ITSN1: variants seen among roughly 807,000 people sequenced by gnomAD.
ITSN1 encodes intersectin-1.
In ITSN1, 58 loss-of-function variants were observed where a neutral mutation model predicts 239.8. The ratio of observed to expected loss-of-function variants is 0.24; its 90% CI spans 0.20 to 0.30. The LOEUF (loss-of-function observed/expected upper bound fraction) is 0.30, where lower values mean the gene tolerates loss of function less well. Among genes scored for constraint, ITSN1 ranks in the 10% least tolerant of loss-of-function variants. The pLI, the probability that ITSN1 is intolerant of heterozygous loss-of-function variation, is 1.00. For missense variants in ITSN1, 1,558 were observed against 2,103.3 expected, an observed-to-expected ratio of 0.74 and a Z score of 5.07; for synonymous variants, 780 against 770.8, an observed-to-expected ratio of 1.01 and a Z score of -0.20.
intron 29 of ITSN1, among the ~76,000 whole-genome samples, chr21:33,851,429 C>T (rs1214361329): frequency 2.6e-5 from 4 of 151,696 alleles, no homozygotes; most frequent in Admixed American, 6.6e-5. Context: ...GACAGAGTCT[C>T]GCTCTGTCAC....
chr21:33,682,022 GA>G lies in ITSN1; in HGVS notation c.-32-36771del, dbSNP rs1314858455. 8.6e-5 allele frequency among the ~76,000 whole-genome samples: 13 copies of G among 151,442 alleles called. No homozygotes were observed. In the East Asian group the frequency reaches 2.3e-3, roughly 27 times the overall value. On this transcript the variant is annotated intron_variant, in intron 1 of 39. Transcript: ENST00000381318. ...CAATAGCTCCTTTTATATTTAAAATGAAAAGTGCTTTCTTGGGGGTCATTTT... is the reference window on the plus strand; with the variant it reads ...CAATAGCTCCTTTTATATTTAAAATGAAAGTGCTTTCTTGGGGGTCATTTT...
intron 33 of ITSN1, among the ~76,000 whole-genome samples, chr21:33,874,927 G>A (rs895673599): frequency 1.3e-5 from 2 of 152,196 alleles, no homozygotes; most frequent in South Asian, 2.1e-4. Context: ...GATTACAGGC[G>A]TGAGCCACTG....
chr21:33,671,778 C>T (rs985998947), intron 1 of ITSN1, among the ~76,000 whole-genome samples: 5 of 151,530 alleles, frequency 3.3e-5, no homozygotes, highest in East Asian at 4.0e-4. Flanking sequence ...GGCGACAAAG[C>T]GAGACTCCGT....
At chr21:33,660,610 CGTT>C (rs1375098936) in intron 1 of ITSN1, among the ~76,000 whole-genome samples, 5 of 152,048 alleles carry the variant, frequency 3.3e-5, no homozygotes, top group Non-Finnish European at 7.4e-5. Context: ...TGTTGTGAAA[CGTT>C]GTTTTGGTTG....
chr21:33,668,672 G>A (rs2090074472), intron 1 of ITSN1, among the ~76,000 whole-genome samples: 1 of 152,158 alleles, frequency 6.6e-6, no homozygotes, highest in African/African-American at 2.4e-5. Flanking sequence ...TGTACTTTGA[G>A]TTAAAGGCTC....
Position 33,797,633 on chromosome 21 carries a change from A to G in ITSN1, c.2182+25A>G, listed in dbSNP as rs751601267. The G allele has an allele frequency of 1.3e-6, 2 of 1,591,776 alleles. No individual in the cohort carries two copies. The highest frequency in any genetic ancestry group is 1.1e-5 in the South Asian group (1 of 90,244). ...GGTATTAGAAGCCAAAAATAATTATAGAAAATAAGTCATCTTCTCTCCCAG... is the reference window on the plus strand; with the variant it reads ...GGTATTAGAAGCCAAAAATAATTATGGAAAATAAGTCATCTTCTCTCCCAG... On this transcript the variant is annotated intron_variant, in intron 18 of 39. Coordinates refer to ENST00000381318, the MANE Select transcript of ITSN1 (RefSeq NM_003024.3). The surrounding 1 kb of genome is among the most constrained non-coding windows in gnomAD (Gnocchi z 4.9).
At chr21:33,687,067 A>G (rs926521461) in intron 1 of ITSN1, among the ~76,000 whole-genome samples, 35 of 152,162 alleles carry the variant, frequency 2.3e-4, no homozygotes, top group African/African-American at 8.0e-4. Flanking sequence ...ACGGTGGCCC[A>G]TGCCTGTAAT....
At chr21:33,665,294 G>T (rs926801966) in intron 1 of ITSN1, among the ~76,000 whole-genome samples, 1 of 151,914 alleles carries the variant, frequency 6.6e-6, no homozygotes, top group Admixed American at 6.6e-5. Context: ...CATAATGCAA[G>T]ATAACGTCAT....
chr21:33,865,343 C>T lies in ITSN1; in HGVS notation c.4074+9C>T. ...TCAAGGAGTTCGTCAAAGTAAGGAG[C>T]CAGGCTGTGCAGAGACTGGGCCCCA... On this transcript the variant is annotated intron_variant, in intron 32 of 39. Transcript: ENST00000381318. The surrounding 1 kb of genome is among the most constrained non-coding windows in gnomAD (Gnocchi z 4.4). 3 of 1,537,830 alleles carry T rather than the reference C, an allele frequency of 2.0e-6. 1 individual carries two copies. The highest frequency in any genetic ancestry group is 2.5e-5 in the South Asian group (2 of 81,254).
chr21:33,811,362 A>AGCTG (rs1304514813), intron 21 of ITSN1, 140 bp downstream of exon 21: 1 of 734,850 alleles, frequency 1.4e-6, no homozygotes, highest in Non-Finnish European at 2.2e-6. Context: ...TCCTTTCTCT[A>AGCTG]GCTGGCGAAT....
At chr21:33,732,564 C>T (rs999078983) in intron 4 of ITSN1, among the ~76,000 whole-genome samples, 6 of 152,082 alleles carry the variant, frequency 3.9e-5, no homozygotes, top group East Asian at 3.9e-4. Flanking sequence ...TGAGCAAGAA[C>T]GCATTCAGTA....
intron 29 of ITSN1, among the ~76,000 whole-genome samples, chr21:33,848,162 C>G (rs868396329): frequency 6.6e-6 from 1 of 152,212 alleles, no homozygotes; most frequent in Admixed American, 6.5e-5. Context: ...CAGATTCACA[C>G]GTTGAAGCCC....
intron 1 of ITSN1, among the ~76,000 whole-genome samples, chr21:33,696,957 A>C (rs1375943544): frequency 6.6e-6 from 1 of 152,208 alleles, no homozygotes; most frequent in Non-Finnish European, 1.5e-5. Context: ...CTTAAGACTA[A>C]GTGTGATTTC....
intron 1 of ITSN1, among the ~76,000 whole-genome samples, chr21:33,683,366 CCT>C (rs1238903641): frequency 6.6e-6 from 1 of 152,118 alleles, no homozygotes; most frequent in African/African-American, 2.4e-5. Flanking sequence ...GAACCAAGCC[CCT>C]GTTTGAACCT....
intron 1 of ITSN1, chr21:33,716,330 C>G (rs974476865): frequency 2.6e-5 from 4 of 152,204 alleles, no homozygotes; most frequent in Non-Finnish European, 5.9e-5. Flanking sequence ...GTGCTCCAGA[C>G]TAGAGAGGTG....
intron 1 of ITSN1, among the ~76,000 whole-genome samples, chr21:33,703,120 C>T (rs989610064): frequency 6.3e-5 from 9 of 143,960 alleles, no homozygotes; most frequent in Admixed American, 2.1e-4. Flanking sequence ...TGTGTATACA[C>T]ATATATACGT....
intron 22 of ITSN1, chr21:33,817,322 C>T (rs771991782): frequency 2.4e-5 from 31 of 1,304,288 alleles, no homozygotes; most frequent in African/African-American, 3.0e-5. Context: ...TGTTCCACCT[C>T]GAGGCTTTTG....
rs1053951230 is a variant in ITSN1, at chr21:33,834,519, A to G, written c.3469+95A>G. 3 of 892,960 alleles carry G rather than the reference A, an allele frequency of 3.4e-6. No homozygotes were observed. The African/African-American group carries it at 5.0e-5, about 15-fold the overall frequency. 55.3% of individuals were successfully genotyped at this position (892,960 alleles called of 1,614,324 possible). ...CATTAAATATCTTAGGTTGTTTTTC[A>G]CATGTGCTTTAAAGCACTTCCTGTA... On this transcript the variant is annotated intron_variant, in intron 28 of 39. Transcript: ENST00000381318.
intron 29 of ITSN1, among the ~76,000 whole-genome samples, chr21:33,853,514 T>G (rs985111624): frequency 1.3e-5 from 2 of 152,206 alleles, no homozygotes; most frequent in Non-Finnish European, 2.9e-5. Context: ...CGTGTAAAAC[T>G]TGAAGACTCA....
Sources: allele counts gnomAD v4.1 joint callset (sites outside exome capture counted in the v4.1 genomes callset), GRCh38; gene constraint gnomAD v4.1.1; non-coding constraint Gnocchi (gnomAD v3.1); transcripts MANE v1.5; gene names NCBI Gene and HGNC (gene_info 2026-07-23, HGNC 2026-07-21).